SH3D19: variants seen among roughly 807,000 people sequenced by gnomAD.
SH3D19 encodes SH3 domain-containing protein 19.
A neutral mutation model predicts 112.1 loss-of-function variants in SH3D19; 58 were observed. The ratio of observed to expected loss-of-function variants is 0.52; its 90% CI spans 0.42 to 0.64. The LOEUF (loss-of-function observed/expected upper bound fraction) is 0.64. SH3D19 is among the 30% of genes least tolerant of loss of function. SH3D19 has a pLI of 0.00. For synonymous variants in SH3D19, 391 were observed against 448.5 expected, an observed-to-expected ratio of 0.87 and a Z score of 1.62; for missense variants, 1,090 against 1,263.4, an observed-to-expected ratio of 0.86 and a Z score of 2.08.
intron 2 of SH3D19, among the ~76,000 whole-genome samples, chr4:151,203,204 G>A (rs958782433): frequency 2.0e-5 from 3 of 152,002 alleles, no homozygotes; most frequent in Non-Finnish European, 2.9e-5. Flanking sequence ...TCGCAGCATC[G>A]GTGCCACTGA....
chr4:151,252,309 A>G lies in SH3D19; in HGVS notation c.113-26223T>C, dbSNP rs140192134. ...CCTTTACAGCAAAACTACTTTTTCT[A>G]TCTCAAAGTACTCCCCTTTTATTCT... is the stretch of plus-strand genomic sequence containing the variant. On this transcript the variant is annotated intron_variant, in intron 1 of 19. Coordinates refer to ENST00000604030, the MANE Select transcript of SH3D19 (RefSeq NM_001378122.1). Among the ~76,000 whole-genome samples the G allele has an allele frequency of 3.4e-3, 520 of 152,222 alleles. 3 individuals are homozygous for G. The highest frequency in any genetic ancestry group is 0.012 in the African/African-American group (489 of 41,536).
chr4:151,207,365 A>G (rs1463677423), intron 2 of SH3D19, among the ~76,000 whole-genome samples: 1 of 152,226 alleles, frequency 6.6e-6, no homozygotes, highest in Non-Finnish European at 1.5e-5. Context: ...TGCTTTTACC[A>G]TTAGCTATTT....
At chr4:151,304,985 A>AAAACG (rs1280733404) in intron 1 of SH3D19, among the ~76,000 whole-genome samples, 1 of 152,192 alleles carries the variant, frequency 6.6e-6, no homozygotes, top group Non-Finnish European at 1.5e-5. Flanking sequence ...AAAACAAAAC[A>AAAACG]AAAACCTCTG....
intron 19 of SH3D19, among the ~76,000 whole-genome samples, chr4:151,122,847 CTTTTTTTTTTT>C (rs760704406): frequency 2.5e-5 from 3 of 120,842 alleles, no homozygotes; most frequent in Non-Finnish European, 5.1e-5. Context: ...ATTTTAGAGA[CTTTTTTTTTTT>C]TTTTTTTTTT....
At chr4:151,227,844 T>C in intron 1 of SH3D19, 38 of 985,456 alleles carry the variant, frequency 3.9e-5, no homozygotes, top group Non-Finnish European at 4.1e-5. Flanking sequence ...CTTAGGCATG[T>C]AATAGCAAAT....
In SH3D19 at chr4:151,206,876, T is replaced by C. The variant is rs7667889; in HGVS notation, c.152+19171A>G. Among the ~76,000 whole-genome samples the C allele has an allele frequency of 3.4e-3, 521 of 152,260 alleles. 5 individuals are homozygous for C. The highest frequency in any genetic ancestry group is 0.012 in the African/African-American group (488 of 41,552). ...TCTTTGGGACTACATCACCTCCGCT[T>C]CAGTTTTTGCAGTCTTCTCTTGAAC... On this transcript the variant is annotated intron_variant, in intron 2 of 19. Transcript: ENST00000604030.
At chr4:151,152,737 T>G (rs772730742) in intron 9 of SH3D19, among the ~76,000 whole-genome samples, 7 of 151,924 alleles carry the variant, frequency 4.6e-5, no homozygotes, top group African/African-American at 2.4e-5. Flanking sequence ...CATGCTGTTC[T>G]GGAACTCCTG....
At chr4:151,203,608 T>C (rs973480029) in intron 2 of SH3D19, among the ~76,000 whole-genome samples, 8 of 152,216 alleles carry the variant, frequency 5.3e-5, no homozygotes, top group African/African-American at 1.7e-4. Context: ...GTGCTCTAGA[T>C]AAAAGTATGC....
Position 151,325,320 on chromosome 4 carries a change from C to G in SH3D19, c.33G>C (p.Glu11Asp), listed in dbSNP as rs991396908. Residue 11 changes from glutamate (E) to aspartate (D), a missense_variant, in exon 1 of 20, where the codon GAG becomes GAC. Coordinates refer to ENST00000604030, the MANE Select transcript of SH3D19 (RefSeq NM_001378122.1). Reference protein sequence around the residue: MAEGRRREDEEEELRERRELG... With the variant: MAEGRRREDEDEELRERRELG... ...GTTCGCGGCGCTCGCGTAGCTCTTC[C>G]TCCTCGTCCTCCCGCCGCCGGCCCT... 3 of 1,217,604 alleles carry G rather than the reference C, an allele frequency of 2.5e-6. No homozygotes were observed. The African/African-American group carries it at 4.7e-5, about 19-fold the overall frequency. The allele number at this position is 1,217,604 out of a possible 1,614,324, so 75.4% of individuals were successfully genotyped here.
At chr4:151,305,139 G>A (rs1728807556) in intron 1 of SH3D19, among the ~76,000 whole-genome samples, 1 of 152,052 alleles carries the variant, frequency 6.6e-6, no homozygotes, top group South Asian at 2.1e-4. Context: ...ACAAACCCTG[G>A]GAAGGGAGAA....
At chr4:151,294,434 A>C (rs541287808) in intron 1 of SH3D19, among the ~76,000 whole-genome samples, 4 of 152,262 alleles carry the variant, frequency 2.6e-5, no homozygotes, top group Non-Finnish European at 4.4e-5. Flanking sequence ...GCAACTGCAA[A>C]AAAAGGAATA....
chr4:151,322,431 T>TAAAA (rs57301959), intron 1 of SH3D19, among the ~76,000 whole-genome samples: 4 of 38,404 alleles, frequency 1.0e-4, no homozygotes, highest in Admixed American at 3.8e-4. Flanking sequence ...AGACTCTGCC[T>TAAAA]AAAAAAAAAA....
chr4:151,250,580 T>G (rs1461413638), intron 1 of SH3D19, among the ~76,000 whole-genome samples: 1 of 151,992 alleles, frequency 6.6e-6, no homozygotes, highest in Non-Finnish European at 1.5e-5. Context: ...GTGGAGACAA[T>G]AAGGAAGAAA....
intron 2 of SH3D19, among the ~76,000 whole-genome samples, chr4:151,222,090 A>G (rs534043542): frequency 7.9e-5 from 12 of 152,212 alleles, no homozygotes; most frequent in Non-Finnish European, 2.9e-5. Context: ...CTTTGACAGC[A>G]TTACTTCACA....
chr4:151,275,861 T>TTAG (rs201239876), intron 1 of SH3D19, among the ~76,000 whole-genome samples: 2 of 132,382 alleles, frequency 1.5e-5, no homozygotes, highest in Non-Finnish European at 3.3e-5. Flanking sequence ...TTTTTTTTTT[T>TTAG]AGACGGAGTC....
chr4:151,277,238 TG>T, intron 1 of SH3D19: 1 of 1,492,016 alleles, frequency 6.7e-7, no homozygotes, highest in Non-Finnish European at 9.0e-7. Context: ...AGCGCCAGGG[TG>T]GGGTTGAGAA....
intron 1 of SH3D19, among the ~76,000 whole-genome samples, chr4:151,276,004 A>G (rs1312903901): frequency 6.6e-6 from 1 of 151,994 alleles, no homozygotes; most frequent in African/African-American, 2.4e-5. Context: ...CACTACACCC[A>G]GCTAATTTTT....
intron 1 of SH3D19, 131 bp downstream of exon 1, chr4:151,325,109 TG>T: frequency 2.4e-6 from 1 of 424,218 alleles, no homozygotes; most frequent in Non-Finnish European, 3.9e-6. Context: ...TCCCCGAGTC[TG>T]GCCTCTGAGA....
At chr4:151,216,408 G>C (rs978488342) in intron 2 of SH3D19, among the ~76,000 whole-genome samples, 7 of 152,178 alleles carry the variant, frequency 4.6e-5, no homozygotes, top group Admixed American at 3.9e-4. Context: ...CCTAAGGATA[G>C]ATTGAGGGCC....
Sources: gnomAD v4.1 joint callset for allele counts (sites outside exome capture counted in the v4.1 genomes callset) on GRCh38, gnomAD v4.1.1 for gene constraint, MANE v1.5 for transcripts, NCBI Gene and HGNC (gene_info 2026-07-23, HGNC 2026-07-21) for gene names.